Variants in USP4 observed in about 807,000 individuals in gnomAD.
The protein encoded by USP4 is ubiquitin carboxyl-terminal hydrolase 4.
A neutral mutation model predicts 118.2 loss-of-function variants in USP4; 72 were observed. That is an observed-to-expected ratio of 0.61 (90% CI 0.50 to 0.74). USP4 has a LOEUF of 0.74. Among genes scored for constraint, USP4 ranks in the 30% least tolerant of loss-of-function variants. The probability of loss-of-function intolerance (pLI) is 0.00; values close to 1 mark genes in which losing one functional copy is unlikely to be tolerated. For missense variants in USP4, 1,037 were observed against 1,185.7 expected (o/e 0.87, Z 1.84); for synonymous variants, 415 against 440.4 (o/e 0.94, Z 0.72).
At chr3:49,336,907 G>A (rs1467835405) in intron 1 of USP4, among the ~76,000 whole-genome samples, 1 of 152,130 alleles carries the variant, frequency 6.6e-6, no homozygotes, top group African/African-American at 2.4e-5. Flanking sequence ...GACATGAACA[G>A]CACTAAACTA....
chr3:49,302,426 C>T lies in USP4; in HGVS notation c.1245G>A (p.Lys415=). The T allele has an allele frequency of 6.2e-7, 1 of 1,614,084 alleles. No individual in the cohort carries two copies. ...TGGCATCCTTCAGCTCCAAGTAGGGCTTTTTCTTTACCCGGTTCAGATCTT... is the reference window on the plus strand; with the variant it reads ...TGGCATCCTTCAGCTCCAAGTAGGGTTTTTTCTTTACCCGGTTCAGATCTT... ...LHEDLNRVKK[K]PYLELKDANG... Residue 415 remains lysine, a synonymous_variant, in exon 10 of 22, where the codon AAG becomes AAA. Coordinates refer to ENST00000265560, the MANE Select transcript of USP4 (RefSeq NM_003363.4).
At position 49,331,235 on chromosome 3, in the gene USP4, G is replaced by A. The variant is rs138235222; in HGVS notation, c.230-3419C>T. Among the ~76,000 whole-genome samples the A allele has an allele frequency of 2.9e-3, 434 of 152,042 alleles. 3 individuals are homozygous for A. Among genetic ancestry groups the A allele is most frequent in the African/African-American group, 9.3e-3 (385 of 41,466 alleles). ...CTCAGGAGGCTGAGGCAGGAGAATC[G>A]CTTGAACCTGGGAGGCAGAGGTTGT... On this transcript the variant is annotated intron_variant, in intron 2 of 21. Transcript: ENST00000265560.
At chr3:49,311,990 T>C (rs2047387477) in intron 6 of USP4, 4 of 701,448 alleles carry the variant, frequency 5.7e-6, no homozygotes, top group Non-Finnish European at 7.4e-6. Flanking sequence ...GAGACCAGCC[T>C]GGGCAACACA....
chr3:49,279,926 A>G (rs2047000084), intron 20 of USP4, among the ~76,000 whole-genome samples: 1 of 152,184 alleles, frequency 6.6e-6, no homozygotes, highest in Non-Finnish European at 1.5e-5. Flanking sequence ...AGGATGAGAA[A>G]CTTGCCCAAA....
At chr3:49,312,404 A>G (rs1214318359) in intron 6 of USP4, 1 of 440,482 alleles carries the variant, frequency 2.3e-6, no homozygotes, top group Non-Finnish European at 4.6e-6. Flanking sequence ...CAGAAGCATC[A>G]CTTGAACCCG....
chr3:49,298,652 G>A lies in USP4; in HGVS notation c.1513-17C>T. On this transcript the variant is annotated splice_polypyrimidine_tract_variant and intron_variant, in intron 11 of 21. Coordinates refer to ENST00000265560, the MANE Select transcript of USP4 (RefSeq NM_003363.4). ...CACACGGTACTGCAAGACAGAGATGGTCAAGGTCACAGGGGTGCCCCACAA... is the reference window on the plus strand; with the variant it reads ...CACACGGTACTGCAAGACAGAGATGATCAAGGTCACAGGGGTGCCCCACAA... The A allele has an allele frequency of 6.2e-7, 1 of 1,613,390 alleles. No homozygotes were observed. The highest frequency in any genetic ancestry group is 8.5e-7 in the Non-Finnish European group (1 of 1,179,338).
In USP4 at chr3:49,298,575, G is replaced by A. The variant is rs758079944; in HGVS notation, c.1573C>T (p.Leu525=). 2.5e-6 allele frequency: 4 copies of A among 1,614,046 alleles called. No individual in the cohort carries two copies. In the African/African-American group the frequency reaches 4.0e-5, roughly 16 times the overall value. The part of the protein sequence containing the change: ...VSDLCEALSR[L]SGIAAENMVV... ...ACATTTTCTGCAGCAATGCCAGACA[G>A]CCTGGAGAGAGCCTCGCACAGGTCG... The change falls in exon 12 of 22, where the codon CTG becomes TTG. Residue 525 remains leucine (L), a synonymous_variant. Transcript: ENST00000265560.
chr3:49,301,988 T>C (rs1332861336), intron 10 of USP4, among the ~76,000 whole-genome samples: 2 of 152,094 alleles, frequency 1.3e-5, no homozygotes, highest in Non-Finnish European at 2.9e-5. Context: ...CAGAGTGTTC[T>C]TAGTCCCTAG....
At chr3:49,292,668 G>A (rs976844543) in intron 14 of USP4, 70 bp from the exon 15 acceptor site, 2 of 1,111,412 alleles carry the variant, frequency 1.8e-6, no homozygotes, top group Non-Finnish European at 1.3e-6. Flanking sequence ...TTTCCACCAT[G>A]CGGCTAAGAA....
chr3:49,311,363 A>T, intron 7 of USP4, 151 bp downstream of exon 7: 1 of 786,968 alleles, frequency 1.3e-6, no homozygotes, highest in Non-Finnish European at 1.9e-6. Context: ...ACTTTACTGT[A>T]GGTATGAAAT....
intron 20 of USP4, 78 bp from the exon 21 acceptor site, chr3:49,278,980 A>G (rs1289497197): frequency 1.1e-6 from 1 of 946,574 alleles, no homozygotes; most frequent in Non-Finnish European, 1.5e-6. Context: ...TGCACTAAAT[A>G]AACACAAAAA....
At position 49,302,494 on chromosome 3, in the gene USP4, C is replaced by A; in HGVS notation, c.1177G>T (p.Asp393Tyr). 1 of 1,614,144 alleles carries A rather than the reference C, an allele frequency of 6.2e-7. No homozygotes were observed. Among genetic ancestry groups the A allele is most frequent in the South Asian group, 1.1e-5 (1 of 91,076 alleles). Residue 393 changes from aspartate to tyrosine, a missense_variant, in exon 10 of 22, where the codon GAT becomes TAT. Around this residue, in one of 3 missense-constraint regions of USP4, gnomAD observed 487 missense variants for 534.1 expected, o/e 0.91. Transcript: ENST00000265560. ...APQFSGYQQQ[D>Y]SQELLAFLLD... is the part of the protein sequence containing the mutation. ...AGAAAGGCCAGCAGCTCCTGAGAAT[C>A]TTGTTGCTGGTAGCCAGAAAATTGA...
intron 6 of USP4, among the ~76,000 whole-genome samples, chr3:49,315,697 G>A (rs1480748875): frequency 1.3e-5 from 2 of 152,076 alleles, no homozygotes; most frequent in African/African-American, 4.8e-5. Context: ...GGTAAGTCCT[G>A]CTCCCCAGGC....
chr3:49,318,342 T>G (rs1037147254), intron 6 of USP4: 1 of 985,440 alleles, frequency 1.0e-6, no homozygotes, highest in African/African-American at 1.7e-5. Flanking sequence ...ACCAACACTG[T>G]GAACACCATC....
At chr3:49,335,706 C>A in intron 1 of USP4, 110 bp from the exon 2 acceptor site, 1 of 1,218,696 alleles carries the variant, frequency 8.2e-7, no homozygotes. Context: ...ATGCAATACC[C>A]ACTAAAAAAC....
intron 11 of USP4, among the ~76,000 whole-genome samples, chr3:49,299,237 G>A (rs184590933): frequency 1.6e-4 from 23 of 145,642 alleles, no homozygotes; most frequent in East Asian, 4.2e-4. Flanking sequence ...TTACAGGCGC[G>A]CACCACCACG....
chr3:49,312,537 T>G, intron 6 of USP4: 1 of 451,686 alleles, frequency 2.2e-6, no homozygotes. Context: ...GGAGAATTGC[T>G]TGAACCCGGG....
intron 9 of USP4, 135 bp downstream of exon 9, chr3:49,305,579 TG>T: frequency 1.6e-6 from 1 of 616,460 alleles, no homozygotes; most frequent in Non-Finnish European, 2.5e-6. Flanking sequence ...GATTTTGGAA[TG>T]GGGATGCTGA....
chr3:49,332,030 TG>T (rs1433005423), intron 2 of USP4, among the ~76,000 whole-genome samples: 1 of 151,114 alleles, frequency 6.6e-6, no homozygotes, highest in African/African-American at 2.4e-5. Flanking sequence ...TCCAGCACTT[TG>T]GGAGGTCAAG....
Sources: allele counts gnomAD v4.1 joint callset (sites outside exome capture counted in the v4.1 genomes callset), GRCh38; gene constraint gnomAD v4.1.1; regional missense constraint gnomAD v4.1.1; transcripts MANE v1.5; gene names NCBI Gene and HGNC (gene_info 2026-07-23, HGNC 2026-07-21).